Variants in ANTXR1 observed in about 807,000 individuals in gnomAD.
ANTXR1 encodes the protein anthrax toxin receptor 1.
ANTXR1 carries 19 observed loss-of-function variants against 78.1 expected under a neutral mutation model. That is an observed-to-expected ratio of 0.24 (90% CI 0.17 to 0.36). ANTXR1 has a LOEUF of 0.36. ANTXR1 is among the 10% of genes least tolerant of loss of function. ANTXR1 has a pLI of 1.00. For missense variants in ANTXR1, 518 were observed against 718.6 expected (o/e 0.72, Z 3.19); for synonymous variants, 273 against 260.5 (o/e 1.05, Z -0.46).
intron 17 of ANTXR1, among the ~76,000 whole-genome samples, chr2:69,200,556 A>G (rs1272227707): frequency 6.6e-6 from 1 of 151,992 alleles, no homozygotes; most frequent in Non-Finnish European, 1.5e-5. Flanking sequence ...TCTCCTTCAC[A>G]TTTCCTGCAT....
rs574357871 is a variant in ANTXR1 at position 69,217,993 on chromosome 2, A to G, written c.1434+24578A>G. On this transcript the variant is annotated intron_variant, in intron 17 of 17. Coordinates refer to ENST00000303714, the MANE Select transcript of ANTXR1 (RefSeq NM_032208.3). Reference sequence around the variant, plus strand: ...TACTTTTCAGAGGGGCACACAGGTTATCTCATGGACAGGTTCTTCAGGGTG... The same window carrying G: ...TACTTTTCAGAGGGGCACACAGGTTGTCTCATGGACAGGTTCTTCAGGGTG... Among the ~76,000 whole-genome samples the G allele has an allele frequency of 2.0e-5, 3 of 152,312 alleles. No homozygotes were observed. The East Asian group carries it at 5.8e-4, about 29-fold the overall frequency.
chr2:69,181,745 GTGC>G lies in ANTXR1; in HGVS notation c.1090-38_1090-36del, dbSNP rs752282030. The G allele has an allele frequency of 3.8e-6, 6 of 1,589,352 alleles. No individual in the cohort carries two copies. In the Admixed American group the frequency reaches 1.0e-4, roughly 27 times the overall value. ...CTGTAGTAGGCAGGTCCACACAGCA[GTGC>G]TGTTTTGCTTCCTTCATGTGCCACA... On this transcript the variant is annotated intron_variant, in intron 14 of 17. Transcript: ENST00000303714.
intron 13 of ANTXR1, among the ~76,000 whole-genome samples, chr2:69,160,332 G>A (rs778324922): frequency 3.3e-5 from 5 of 152,098 alleles, no homozygotes; most frequent in Admixed American, 2.0e-4. Context: ...GGAAAGAGGC[G>A]AGTTGTTGTC....
At chr2:69,048,152 A>T (rs1669826772) in intron 3 of ANTXR1, among the ~76,000 whole-genome samples, 1 of 152,186 alleles carries the variant, frequency 6.6e-6, no homozygotes, top group South Asian at 2.1e-4. Context: ...AATACTTCAA[A>T]TGTGTCATCA....
chr2:69,058,749 C>T (rs1280083054), intron 3 of ANTXR1, among the ~76,000 whole-genome samples: 1 of 152,142 alleles, frequency 6.6e-6, no homozygotes, highest in East Asian at 1.9e-4. Context: ...ATAGTGATTC[C>T]TCTGATGGAT....
At chr2:69,164,682 GA>G (rs1573946748) in intron 13 of ANTXR1, among the ~76,000 whole-genome samples, 1 of 152,324 alleles carries the variant, frequency 6.6e-6, no homozygotes, top group East Asian at 1.9e-4. Context: ...GCTGGATCTA[GA>G]AATCCAGGCC....
chr2:69,044,671 G>A, intron 2 of ANTXR1, 71 bp from the exon 3 acceptor site: 2 of 1,504,458 alleles, frequency 1.3e-6, no homozygotes, highest in Non-Finnish European at 1.9e-6. Context: ...GGAAGGACAG[G>A]GAGGGAGCCT....
Position 69,247,192 on chromosome 2 carries a change from A to AATTCCACTCATCCGCCACT in ANTXR1, c.*1707_*1708insATTCCACTCATCCGCCACT, listed in dbSNP as rs1262987226. 17 of 152,766 alleles carry AATTCCACTCATCCGCCACT rather than the reference A, an allele frequency of 1.1e-4. No homozygotes were observed. Among genetic ancestry groups the AATTCCACTCATCCGCCACT allele is most frequent in the African/African-American group, 4.1e-4 (17 of 41,158 alleles). The allele number at this position is 152,766 out of a possible 1,614,324, so 9.5% of individuals were successfully genotyped here. A position where few individuals can be genotyped will look rare whatever the true frequency, so the allele number is the denominator to read the frequency against. Reference sequence around the variant, plus strand: ...CAATTCCAAAGAGCCGCCACTCAACAGTCAGATGAACCCAACAGTCAGATG... The same window carrying AATTCCACTCATCCGCCACT: ...CAATTCCAAAGAGCCGCCACTCAACAATTCCACTCATCCGCCACTGTCAGATGAACCCAACAGTCAGATG... On this transcript the variant is annotated 3_prime_UTR_variant, in exon 18 of 18. Transcript: ENST00000303714.
At chr2:69,235,529 G>A (rs1275609680) in intron 17 of ANTXR1, among the ~76,000 whole-genome samples, 1 of 151,602 alleles carries the variant, frequency 6.6e-6, no homozygotes, top group African/African-American at 2.4e-5. Context: ...GTGCATTCCT[G>A]TAGTCCCAGC....
intron 17 of ANTXR1, among the ~76,000 whole-genome samples, chr2:69,215,209 GGGGAAGCCCA>G (rs540846794): frequency 2.6e-5 from 4 of 152,266 alleles, no homozygotes; most frequent in African/African-American, 7.2e-5. Flanking sequence ...CTGCACTGGA[GGGGAAGCCCA>G]GGGAAGCCCT....
intron 17 of ANTXR1, 116 bp from the exon 18 acceptor site, chr2:69,245,109 T>C (rs1002184344): frequency 9.2e-6 from 11 of 1,194,920 alleles, no homozygotes; most frequent in African/African-American, 1.5e-5. Flanking sequence ...CACTAGAGAG[T>C]TGTCACCAAC....
At chr2:69,237,153 T>C (rs1452993267) in intron 17 of ANTXR1, among the ~76,000 whole-genome samples, 1 of 152,210 alleles carries the variant, frequency 6.6e-6, no homozygotes, top group Non-Finnish European at 1.5e-5. Context: ...TTTTTCTAGT[T>C]TCCTCGTGTT....
rs543261189 is a variant in ANTXR1 at position 69,095,930 on chromosome 2, G to A, written c.703+5011G>A. On this transcript the variant is annotated intron_variant, in intron 9 of 17. Transcript: ENST00000303714. ...TTTTAACTGGAACTCTTACTGGGGAGAGGGAATGGAGAGAATATGTAATCT... is the reference window on the plus strand; with the variant it reads ...TTTTAACTGGAACTCTTACTGGGGAAAGGGAATGGAGAGAATATGTAATCT... Among the ~76,000 whole-genome samples, 3 of 152,280 alleles carry A rather than the reference G, an allele frequency of 2.0e-5. No homozygotes were observed. The South Asian group carries it at 6.2e-4, about 32-fold the overall frequency.
Position 69,181,852 on chromosome 2 carries a change from A to T in ANTXR1, c.1156A>T (p.Arg386Ter), listed in dbSNP as rs1343663504. 1 of 1,614,120 alleles carries T rather than the reference A, an allele frequency of 6.2e-7. No individual in the cohort carries two copies. The highest frequency in any genetic ancestry group is 2.2e-5 in the East Asian group (1 of 44,884). ...PTVDASYYGGRGVGGIKRMEV... is the reference protein window; with the variant it reads ...PTVDASYYGG ...GGTAGACGCCTCTTATTATGGTGGG[A>T]GAGGCGTTGGAGGCATTAAAAGAAT... Residue 386 changes from arginine (R) to a stop codon, truncating the protein, a stop_gained, in exon 15 of 18, where the codon AGA (arginine) becomes TGA (stop). Coordinates refer to ENST00000303714, the MANE Select transcript of ANTXR1 (RefSeq NM_032208.3). LOFTEE classifies it high-confidence loss of function.
intron 10 of ANTXR1, among the ~76,000 whole-genome samples, chr2:69,105,626 A>T (rs573907608): frequency 6.6e-6 from 1 of 152,318 alleles, no homozygotes; most frequent in African/African-American, 2.4e-5. Context: ...GTTTCTACTG[A>T]TTCCTCCCTG....
At chr2:69,124,225 A>G (rs1477191264) in intron 11 of ANTXR1, among the ~76,000 whole-genome samples, 1 of 152,226 alleles carries the variant, frequency 6.6e-6, no homozygotes, top group Non-Finnish European at 1.5e-5. Flanking sequence ...TTTTTGAAGA[A>G]TACTTTGTCC....
At chr2:69,180,700 AT>A (rs1199368906) in intron 14 of ANTXR1, among the ~76,000 whole-genome samples, 2 of 152,248 alleles carry the variant, frequency 1.3e-5, no homozygotes, top group Non-Finnish European at 2.9e-5. Context: ...TGGGAATACA[AT>A]TGTAAGCATG....
intron 3 of ANTXR1, among the ~76,000 whole-genome samples, chr2:69,047,519 A>G (rs573358835): frequency 2.0e-5 from 3 of 151,968 alleles, no homozygotes; most frequent in East Asian, 1.9e-4. Context: ...AGTTCTTAGC[A>G]GTTTGATTAT....
At chr2:69,140,838 A>G (rs1673049468) in intron 12 of ANTXR1, among the ~76,000 whole-genome samples, 1 of 152,210 alleles carries the variant, frequency 6.6e-6, no homozygotes, top group African/African-American at 2.4e-5. Context: ...GAGTTCCACA[A>G]AGGTTTAGGT....
Sources: gnomAD v4.1 joint callset for allele counts (sites outside exome capture counted in the v4.1 genomes callset) on GRCh38, gnomAD v4.1.1 for gene constraint, MANE v1.5 for transcripts, NCBI Gene and HGNC (gene_info 2026-07-23, HGNC 2026-07-21) for gene names.